DNAH14: variants seen among roughly 807,000 people sequenced by gnomAD.
DNAH14 encodes dynein axonemal heavy chain 14.
Under a neutral mutation model 520.9 loss-of-function variants are expected in DNAH14, and 478 were observed. That is an observed-to-expected ratio of 0.92 (90% CI 0.85 to 0.99). The LOEUF (loss-of-function observed/expected upper bound fraction) is 0.99, where lower values mean the gene tolerates loss of function less well. Ranked by LOEUF, DNAH14 falls within the 50% of genes least tolerant of loss-of-function variation. The probability of loss-of-function intolerance (pLI) is 0.00; values close to 1 mark genes in which losing one functional copy is unlikely to be tolerated. For missense variants in DNAH14, 4,831 were observed against 5,234.5 expected, an observed-to-expected ratio of 0.92 and a Z score of 2.38; for synonymous variants, 1,581 against 1,757.2, an observed-to-expected ratio of 0.90 and a Z score of 2.51.
chr1:225,021,139 C>A (rs1430314220), intron 10 of DNAH14, among the ~76,000 whole-genome samples: 1 of 152,122 alleles, frequency 6.6e-6, no homozygotes, highest in African/African-American at 2.4e-5. Context: ...GGCATTGAAG[C>A]CACATACCTC....
chr1:225,117,338 A>G (rs184911736), intron 23 of DNAH14, among the ~76,000 whole-genome samples: 47 of 151,516 alleles, frequency 3.1e-4, no homozygotes, highest in Non-Finnish European at 5.5e-4. Flanking sequence ...CCAAAATACA[A>G]TACTTTATTA....
intron 17 of DNAH14, among the ~76,000 whole-genome samples, chr1:225,053,822 A>G (rs1393229375): frequency 6.6e-6 from 1 of 152,218 alleles, no homozygotes. Flanking sequence ...CCAGATATAC[A>G]TGTCTGGGTA....
In DNAH14 at chr1:225,275,961, G is replaced by A; in HGVS notation, c.8058G>A (p.Leu2686=). The A allele has an allele frequency of 2.5e-6, 1 of 393,406 alleles. No homozygotes were observed. The highest frequency in any genetic ancestry group is 2.0e-5 in the South Asian group (1 of 48,856). 24.4% of individuals were successfully genotyped at this position (393,406 alleles called of 1,614,324 possible). Residue 2686 remains leucine (L), a synonymous_variant, in exon 53 of 86, where the codon TTG becomes TTA. Coordinates refer to ENST00000682510, the MANE Select transcript of DNAH14 (RefSeq NM_001367479.1). ...ENLMNHSTVF[L]DFLDINKTHR... ...TGATGAATCACTCAACTGTATTTTT[G>A]GACTTCTTGGATATAAACAAGACTC...
chr1:225,273,579 CTA>C (rs755743448), intron 52 of DNAH14, among the ~76,000 whole-genome samples: 4 of 152,134 alleles, frequency 2.6e-5, no homozygotes, highest in Admixed American at 6.5e-5. Flanking sequence ...ATGTCTAAAA[CTA>C]TAGATATGCT....
At chr1:225,138,109 C>A (rs1030489058) in intron 27 of DNAH14, among the ~76,000 whole-genome samples, 2 of 152,322 alleles carry the variant, frequency 1.3e-5, no homozygotes, top group African/African-American at 4.8e-5. Context: ...GCCCCTCCCC[C>A]TGGGAGTTCT....
rs577655519 is a variant in DNAH14, at chr1:225,332,440, T to C, written c.9865-851T>C. Among the ~76,000 whole-genome samples, 5 of 152,046 alleles carry C rather than the reference T, an allele frequency of 3.3e-5. No individual in the cohort carries two copies. The East Asian group carries it at 9.7e-4, about 29-fold the overall frequency. ...TTAACATGCTTTATTTATCGACCAA[T>C]CAAGCACATACGTGATCAAAGAGGC... On this transcript the variant is annotated intron_variant, in intron 65 of 85. Transcript: ENST00000682510.
chr1:225,336,774 G>C (rs1043866670), intron 66 of DNAH14, among the ~76,000 whole-genome samples: 4 of 152,150 alleles, frequency 2.6e-5, no homozygotes, highest in African/African-American at 7.2e-5. Flanking sequence ...CCTTAGTCAA[G>C]TATCTAACGT....
rs184466089 is a variant in DNAH14, at chr1:225,175,284, C to A, written c.5535+7256C>A. ...GTAGAATTCAGCAGTGAAGCCATCA[C>A]ATCCTGGGCTTTTCTTTGATGGAAA... is the stretch of plus-strand genomic sequence containing the variant. On this transcript the variant is annotated intron_variant, in intron 36 of 85. Coordinates refer to ENST00000682510, the MANE Select transcript of DNAH14 (RefSeq NM_001367479.1). 2.0e-5 allele frequency among the ~76,000 whole-genome samples: 3 copies of A among 152,290 alleles called. No homozygotes were observed. In the East Asian group the frequency reaches 5.8e-4, roughly 29 times the overall value.
At chr1:225,209,641 T>A (rs1013493508) in intron 41 of DNAH14, among the ~76,000 whole-genome samples, 2 of 152,142 alleles carry the variant, frequency 1.3e-5, no homozygotes, top group Non-Finnish European at 2.9e-5. Context: ...AACGCAAGAT[T>A]TGTTAATATC....
chr1:225,194,171 T>G (rs2085804522), intron 38 of DNAH14, among the ~76,000 whole-genome samples: 1 of 152,080 alleles, frequency 6.6e-6, no homozygotes, highest in Non-Finnish European at 1.5e-5. Flanking sequence ...CCAGTGACAT[T>G]TTTCACAGAA....
In DNAH14 at chr1:225,392,354, C is replaced by A. The variant is rs545571326; in HGVS notation, c.13394C>A (p.Thr4465Asn). 1.9e-6 allele frequency: 3 copies of A among 1,552,344 alleles called. No individual in the cohort carries two copies. The highest frequency in any genetic ancestry group is 1.2e-5 in the South Asian group (1 of 84,068). Residue 4465 changes from threonine to asparagine, a missense_variant, in exon 84 of 86, where the codon ACC becomes AAC. By Grantham distance (65) the Thr-to-Asn change is moderately conservative (BLOSUM62 0). Coordinates refer to ENST00000682510, the MANE Select transcript of DNAH14 (RefSeq NM_001367479.1). ...CGAGGAATCGCTGTGGATGCCCTCA[C>A]CTTCACCCACCATGTGATTTCCAAC... Reference protein sequence around the residue: ...RSRGIAVDALTFTHHVISNTT... With the variant: ...RSRGIAVDALNFTHHVISNTT...
intron 66 of DNAH14, 38 bp from the exon 67 acceptor site, chr1:225,337,228 T>C (rs1441904620): frequency 6.7e-7 from 1 of 1,499,584 alleles, no homozygotes; most frequent in East Asian, 2.5e-5. Context: ...TGTGAAGACA[T>C]TTACAAAATA....
chr1:225,113,708 C>T (rs1251819539), intron 23 of DNAH14, among the ~76,000 whole-genome samples: 3 of 152,200 alleles, frequency 2.0e-5, no homozygotes, highest in South Asian at 4.1e-4. Flanking sequence ...CAGTCCTTCT[C>T]ACTCTTCCCT....
chr1:225,082,805 A>G, intron 20 of DNAH14, 66 bp downstream of exon 20: 1 of 1,299,224 alleles, frequency 7.7e-7, no homozygotes. Context: ...TAAATAGGCG[A>G]GTAAATATAC....
intron 42 of DNAH14, among the ~76,000 whole-genome samples, chr1:225,236,383 C>T (rs1389579006): frequency 6.6e-6 from 1 of 152,166 alleles, no homozygotes; most frequent in East Asian, 1.9e-4. Flanking sequence ...GTGCTGTCAT[C>T]TGAGAGACTG....
intron 36 of DNAH14, among the ~76,000 whole-genome samples, chr1:225,180,541 G>A (rs1050706517): frequency 3.3e-5 from 5 of 152,096 alleles, no homozygotes; most frequent in African/African-American, 7.2e-5. Context: ...ACGAGAGATG[G>A]GCAAGATGCC....
chr1:225,144,648 A>G lies in DNAH14; in HGVS notation c.4740+20A>G. The G allele has an allele frequency of 6.6e-7, 1 of 1,526,362 alleles. No homozygotes were observed. Among genetic ancestry groups the G allele is most frequent in the Non-Finnish European group, 8.8e-7 (1 of 1,133,126 alleles). The allele number at this position is 1,526,362 out of a possible 1,614,324, so 94.6% of individuals were successfully genotyped here. On this transcript the variant is annotated intron_variant, in intron 29 of 85. Coordinates refer to ENST00000682510, the MANE Select transcript of DNAH14 (RefSeq NM_001367479.1). The stretch of plus-strand genomic sequence containing the variant: ...GCAAAAGTAAGTGGTTTCTGTATCC[A>G]GAATAAAAACTTTTTTCTTTTTCTG...
At chr1:225,008,096 C>G (rs2064337786) in intron 10 of DNAH14, among the ~76,000 whole-genome samples, 1 of 151,858 alleles carries the variant, frequency 6.6e-6, no homozygotes, top group South Asian at 2.1e-4. Flanking sequence ...CGCGACATGC[C>G]CCAGTGTATG....
At chr1:224,986,752 T>C (rs1307696011) in intron 8 of DNAH14, among the ~76,000 whole-genome samples, 3 of 152,178 alleles carry the variant, frequency 2.0e-5, no homozygotes, top group Non-Finnish European at 4.4e-5. Flanking sequence ...TGGAAGTCTT[T>C]CCTCTAAGAT....
Sources: gnomAD v4.1 joint callset for allele counts (sites outside exome capture counted in the v4.1 genomes callset) on GRCh38, gnomAD v4.1.1 for gene constraint, MANE v1.5 for transcripts, NCBI Gene and HGNC (gene_info 2026-07-23, HGNC 2026-07-21) for gene names.